UGGT2: variants seen among roughly 807,000 people sequenced by gnomAD.
UGGT2 encodes UDP-glucose glycoprotein glucosyltransferase 2.
In UGGT2, 180 loss-of-function variants were observed where a neutral mutation model predicts 192.1. The observed-to-expected ratio is 0.94, with a 90% CI of 0.83 to 1.06. The LOEUF is 1.06. Ranked by LOEUF, UGGT2 falls within the 50% of genes least tolerant of loss-of-function variation. The pLI, the probability that UGGT2 is intolerant of heterozygous loss-of-function variation, is 0.00. For missense variants in UGGT2, 1,849 were observed against 1,795.7 expected (o/e 1.03, Z -0.54); for synonymous variants, 580 against 591.0 (o/e 0.98, Z 0.27).
chr13:95,909,799 T>TTA (rs1295427536), intron 20 of UGGT2, among the ~76,000 whole-genome samples: 1 of 76,180 alleles, frequency 1.3e-5, no homozygotes, highest in Non-Finnish European at 2.4e-5. Flanking sequence ...TCCTGCCCAC[T>TTA]AAAAAAAAAA....
At chr13:95,999,427 TCA>T in intron 5 of UGGT2, 120 bp from the exon 6 acceptor site, 1 of 879,784 alleles carries the variant, frequency 1.1e-6, no homozygotes, top group Non-Finnish European at 1.8e-6. Context: ...AGGTTTTTAA[TCA>T]CTCTGAAAAA....
intron 38 of UGGT2, among the ~76,000 whole-genome samples, chr13:95,805,615 TTC>T (rs1200823175): frequency 6.6e-6 from 1 of 151,730 alleles, no homozygotes; most frequent in Non-Finnish European, 1.5e-5. Flanking sequence ...GGGAAGGAAA[TTC>T]TGTCACATGT....
At chr13:96,018,113 A>G (rs1039195276) in intron 4 of UGGT2, among the ~76,000 whole-genome samples, 4 of 152,242 alleles carry the variant, frequency 2.6e-5, no homozygotes, top group African/African-American at 7.2e-5. Flanking sequence ...AGAACATGCT[A>G]GTAAAAAAAG....
At chr13:95,943,928 T>A (rs966128731) in intron 15 of UGGT2, among the ~76,000 whole-genome samples, 12 of 152,002 alleles carry the variant, frequency 7.9e-5, no homozygotes, top group African/African-American at 2.9e-4. Context: ...TTCCCTTACA[T>A]AATAGTTCGC....
intron 7 of UGGT2, among the ~76,000 whole-genome samples, chr13:95,993,395 T>C (rs1284908803): frequency 6.6e-6 from 1 of 151,980 alleles, no homozygotes; most frequent in African/African-American, 2.4e-5. Flanking sequence ...AAATAGAAGT[T>C]GAAATAAAAT....
At chr13:95,824,513 A>C (rs985452803) in intron 38 of UGGT2, among the ~76,000 whole-genome samples, 1 of 152,002 alleles carries the variant, frequency 6.6e-6, no homozygotes, top group Admixed American at 6.6e-5. Context: ...TCTTTGTCTT[A>C]TTGGATTAAT....
At chr13:95,850,347 A>T (rs183127129) in intron 36 of UGGT2, among the ~76,000 whole-genome samples, 2 of 152,228 alleles carry the variant, frequency 1.3e-5, no homozygotes, top group African/African-American at 2.4e-5. Context: ...AGGAGGATTA[A>T]GGGCAAGAAA....
At chr13:95,876,199 T>C (rs1318611823) in intron 29 of UGGT2, among the ~76,000 whole-genome samples, 1 of 152,230 alleles carries the variant, frequency 6.6e-6, no homozygotes, top group Non-Finnish European at 1.5e-5. Flanking sequence ...GGAAAATTTT[T>C]GTGCAAAAAA....
chr13:95,947,153 G>C lies in UGGT2; in HGVS notation c.1561C>G (p.Leu521Val). The stretch of plus-strand genomic sequence containing the variant: ...CCATCAACTTCATCATCTGTATTAA[G>C]AATGAACACAAAACCAATTCTGGAA... Reference protein sequence around the residue: ...VPLRIGFVFILNTDDEVDGAN... With the variant: ...VPLRIGFVFIVNTDDEVDGAN... The change falls in exon 15 of 39, where the codon CTT (leucine) becomes GTT (valine). Residue 521 changes from leucine (L) to valine (V), a missense_variant. Coordinates refer to ENST00000376747, the MANE Select transcript of UGGT2 (RefSeq NM_020121.4). 6.2e-7 allele frequency: 1 copy of C among 1,602,378 alleles called. No individual in the cohort carries two copies. Among genetic ancestry groups the C allele is most frequent in the South Asian group, 1.1e-5 (1 of 88,028 alleles).
intron 21 of UGGT2, 74 bp downstream of exon 21, chr13:95,902,780 C>T (rs1412781721): frequency 6.5e-6 from 9 of 1,391,270 alleles, no homozygotes; most frequent in Admixed American, 2.1e-5. Flanking sequence ...TTTTCAGTAA[C>T]AATATCTCCA....
At chr13:95,926,904 A>T (rs1180661803) in intron 19 of UGGT2, 124 bp downstream of exon 19, 1 of 864,976 alleles carries the variant, frequency 1.2e-6, no homozygotes, top group Non-Finnish European at 1.7e-6. Context: ...TACAAACTCT[A>T]AAATTGAAAT....
intron 25 of UGGT2, 115 bp downstream of exon 25, chr13:95,890,745 ACT>A: frequency 1.3e-6 from 1 of 756,834 alleles, no homozygotes; most frequent in South Asian, 1.7e-5. Flanking sequence ...GAAATATGAC[ACT>A]CTATTAAAAT....
chr13:95,970,019 T>C, intron 12 of UGGT2, 93 bp downstream of exon 12: 2 of 1,318,540 alleles, frequency 1.5e-6, no homozygotes, highest in East Asian at 2.4e-5. Flanking sequence ...TCCAAAATGC[T>C]GACATTTATC....
At chr13:95,948,140 A>G in intron 13 of UGGT2, 59 bp from the exon 14 acceptor site, 1 of 1,385,914 alleles carries the variant, frequency 7.2e-7, no homozygotes, top group Non-Finnish European at 9.9e-7. Context: ...ATGAAATTCA[A>G]GTTTAGACTA....
chr13:96,041,644 C>T (rs949062858), intron 1 of UGGT2, among the ~76,000 whole-genome samples: 2 of 152,240 alleles, frequency 1.3e-5, no homozygotes, highest in Admixed American at 6.5e-5. Flanking sequence ...CAGCCCTGCT[C>T]GCCCACCGCC....
chr13:96,009,588 T>G (rs1198686767), intron 5 of UGGT2, among the ~76,000 whole-genome samples: 1 of 152,124 alleles, frequency 6.6e-6, no homozygotes, highest in Non-Finnish European at 1.5e-5. Flanking sequence ...GGCAGGCGGA[T>G]CACGAGGTCA....
intron 30 of UGGT2, among the ~76,000 whole-genome samples, chr13:95,866,787 A>C (rs1341407325): frequency 6.6e-6 from 1 of 152,042 alleles, no homozygotes; most frequent in Non-Finnish European, 1.5e-5. Flanking sequence ...GGGTCAAGAG[A>C]AGTTTCTGTG....
intron 20 of UGGT2, among the ~76,000 whole-genome samples, chr13:95,913,697 A>C (rs1053927299): frequency 7.2e-5 from 11 of 152,058 alleles, no homozygotes; most frequent in African/African-American, 2.7e-4. Flanking sequence ...CAAGGATCTA[A>C]ACTAGAATTA....
intron 4 of UGGT2, among the ~76,000 whole-genome samples, chr13:96,022,122 A>T (rs1020263210): frequency 3.9e-5 from 6 of 152,120 alleles, no homozygotes. Flanking sequence ...GAAATAGATA[A>T]TGGAGCAGAA....
Sources: gnomAD v4.1 joint callset for allele counts (sites outside exome capture counted in the v4.1 genomes callset) on GRCh38, gnomAD v4.1.1 for gene constraint, MANE v1.5 for transcripts, NCBI Gene and HGNC (gene_info 2026-07-23, HGNC 2026-07-21) for gene names.